The following PVT1 variants were observed in gnomAD, a reference collection of about 807,000 sequenced individuals.
PVT1 encodes the protein Pvt1 oncogene, also known as CXCR4/PVT1 fusion.
At chr8:128,047,440 C>T (rs147070595) in intron 4 of PVT1, among the ~76,000 whole-genome samples, 205 of 152,288 alleles carry the variant, frequency 1.3e-3, no homozygotes, top group Non-Finnish European at 2.2e-3. Context: ...GTGGCAGTTG[C>T]TCACTAAAGA....
At chr8:127,902,585 T>C (rs563469070) in intron 3 of PVT1, among the ~76,000 whole-genome samples, 1 of 152,248 alleles carries the variant, frequency 6.6e-6, no homozygotes, top group South Asian at 2.1e-4. Flanking sequence ...TGTCCCCCTC[T>C]TTTCCTCCCC....
intron 2 of PVT1, among the ~76,000 whole-genome samples, chr8:127,864,010 C>T (rs931437400): frequency 6.6e-6 from 1 of 152,206 alleles, no homozygotes; most frequent in Non-Finnish European, 1.5e-5. Context: ...GGACCGGCTT[C>T]CAGGTGATTG....
chr8:127,906,636 G>A (rs957142180), intron 3 of PVT1, among the ~76,000 whole-genome samples: 7 of 152,152 alleles, frequency 4.6e-5, no homozygotes, highest in East Asian at 1.9e-4. Context: ...TTTGCCATCC[G>A]GAGAATCCAT....
chr8:128,080,387 A>C (rs1412569135), intron 5 of PVT1, among the ~76,000 whole-genome samples: 7 of 152,172 alleles, frequency 4.6e-5, no homozygotes, highest in Non-Finnish European at 8.8e-5. Context: ...CAAATCCTCT[A>C]CCAGAATTTG....
At chr8:127,812,630 A>C (rs1814610940) in intron 2 of PVT1, among the ~76,000 whole-genome samples, 1 of 145,878 alleles carries the variant, frequency 6.9e-6, no homozygotes. Context: ...GGGAGAGAGG[A>C]AGGAAGGAAG....
chr8:127,936,860 C>T (rs1208919610), intron 3 of PVT1, among the ~76,000 whole-genome samples: 1 of 152,248 alleles, frequency 6.6e-6, no homozygotes, highest in Non-Finnish European at 1.5e-5. Context: ...ACCTGTGCCA[C>T]AGAATAACCT....
At chr8:127,878,622 G>A (rs73357022) in intron 2 of PVT1, among the ~76,000 whole-genome samples, 1,738 of 152,110 alleles carry the variant, frequency 0.011, 39 homozygotes, top group African/African-American at 0.04. Context: ...TAAAATTACT[G>A]TTGCTATTCC....
At chr8:128,080,055 T>C (rs1481732043) in intron 5 of PVT1, among the ~76,000 whole-genome samples, 1 of 152,230 alleles carries the variant, frequency 6.6e-6, no homozygotes, top group Non-Finnish European at 1.5e-5. Flanking sequence ...TGTCTTTTCA[T>C]AGCTTAACAC....
chr8:128,053,445 A>G (rs542107789), intron 4 of PVT1, among the ~76,000 whole-genome samples: 1 of 149,352 alleles, frequency 6.7e-6, no homozygotes, highest in South Asian at 2.1e-4. Flanking sequence ...TGTATTTTAT[A>G]TATATGGGTA....
At chr8:128,025,375 C>A (rs1387499526) in intron 4 of PVT1, among the ~76,000 whole-genome samples, 1 of 152,142 alleles carries the variant, frequency 6.6e-6, no homozygotes, top group African/African-American at 2.4e-5. Context: ...CCCACCATCA[C>A]CTGATGTACC....
At chr8:127,981,916 G>A (rs1249661187) in intron 3 of PVT1, among the ~76,000 whole-genome samples, 2 of 152,186 alleles carry the variant, frequency 1.3e-5, no homozygotes, top group Non-Finnish European at 2.9e-5. Context: ...AGCTTGGCTT[G>A]GAACCCAGGG....
At chr8:127,985,962 G>A (rs1291145072) in intron 3 of PVT1, among the ~76,000 whole-genome samples, 38 of 152,162 alleles carry the variant, frequency 2.5e-4, no homozygotes, top group Admixed American at 2.4e-3. Flanking sequence ...CACCCAGTTG[G>A]CCCCACTGCC....
intron 4 of PVT1, among the ~76,000 whole-genome samples, chr8:128,020,098 C>T (rs2720689): frequency 0.64 from 97,312 of 152,002 alleles, 31,518 homozygotes; most frequent in East Asian, 0.71. Flanking sequence ...CCCAGGCCTC[C>T]TTCTGTGGCA....
intron 4 of PVT1, among the ~76,000 whole-genome samples, chr8:128,040,793 T>A (rs1289086534): frequency 1.3e-5 from 2 of 151,964 alleles, no homozygotes; most frequent in Non-Finnish European, 2.9e-5. Context: ...TGTGCTTGTG[T>A]TTGAGTGCTT....
chr8:127,898,130 G>A lies in PVT1; in HGVS notation n.782+7132G>A, dbSNP rs915938146. On this transcript the variant is annotated intron_variant and non_coding_transcript_variant, in intron 3 of 10. Transcript: ENST00000651587. The surrounding 1 kb of genome is among the most constrained non-coding windows in gnomAD (Gnocchi z 4.4). ...AGGAAGGAAGGAAGAAAGAAGGAAA[G>A]AAAGAAGATTCATTATTCTGTCCTC... 1.3e-5 allele frequency among the ~76,000 whole-genome samples: 2 copies of A among 148,856 alleles called. No individual in the cohort carries two copies. Among genetic ancestry groups the A allele is most frequent in the East Asian group, 4.1e-4 (2 of 4,898 alleles).
chr8:127,825,590 C>G (rs1379555436), intron 2 of PVT1, among the ~76,000 whole-genome samples: 1 of 152,192 alleles, frequency 6.6e-6, no homozygotes, highest in African/African-American at 2.4e-5. Flanking sequence ...CTTCAGAACT[C>G]TGGCTGCTAC....
intron 3 of PVT1, among the ~76,000 whole-genome samples, chr8:127,985,113 A>T: frequency 6.8e-6 from 1 of 148,008 alleles, no homozygotes; most frequent in Admixed American, 6.8e-5. Context: ...GGCTCACTGT[A>T]ACCTCTGCTG....
At chr8:128,069,170 A>G (rs1390004022) in intron 4 of PVT1, among the ~76,000 whole-genome samples, 5 of 152,248 alleles carry the variant, frequency 3.3e-5, no homozygotes, top group Non-Finnish European at 7.3e-5. Flanking sequence ...TCCTGAGATT[A>G]CACAAAACCT....
At chr8:128,064,422 C>A (rs1362007156) in intron 4 of PVT1, among the ~76,000 whole-genome samples, 1 of 152,182 alleles carries the variant, frequency 6.6e-6, no homozygotes, top group Non-Finnish European at 1.5e-5. Flanking sequence ...ACCTTTTAAC[C>A]CTCCTTCCTC....
Sources: allele counts gnomAD v4.1 joint callset (sites outside exome capture counted in the v4.1 genomes callset), GRCh38; gene constraint gnomAD v4.1.1; non-coding constraint Gnocchi (gnomAD v3.1); transcripts MANE v1.5; gene names NCBI Gene and HGNC (gene_info 2026-07-23, HGNC 2026-07-21).